The following PASD1 variants were observed in gnomAD, a reference collection of about 807,000 sequenced individuals.
The protein encoded by PASD1 is circadian clock protein PASD1.
PASD1 carries 13 observed loss-of-function variants against 58.8 expected under a neutral mutation model. The ratio of observed to expected loss-of-function variants is 0.22; its 90% CI spans 0.14 to 0.35. The LOEUF is 0.35. PASD1 is among the 10% of genes least tolerant of loss of function. The probability of loss-of-function intolerance (pLI) is 1.00; values close to 1 mark genes in which losing one functional copy is unlikely to be tolerated. For missense variants in PASD1, 734 were observed against 568.3 expected (o/e 1.29, Z -2.96); for synonymous variants, 236 against 216.7 (o/e 1.09, Z -0.78).
chrX:151,578,291 T>G (rs768395210), intron 1 of PASD1: 1 of 112,537 alleles, frequency 8.9e-6, no homozygotes, highest in African/African-American at 3.2e-5. Context: ...TTAACATCTT[T>G]TGGTATTCGT....
rs768653474 is a variant in PASD1 at position 151,674,043 on chromosome X, T to C, written c.2032T>C (p.Ser678Pro). The C allele has an allele frequency of 1.1e-5, 13 of 1,210,014 alleles. No individual in the cohort carries two copies. Among genetic ancestry groups the C allele is most frequent in the Admixed American group, 4.4e-5 (2 of 45,780 alleles). ...TCCTCAGTTTCCCATAACTTCAGAC[T>C]CAACCATAAGCACCCTGGAGACCCC... ...SIPQFPITSD[S>P]TISTLETPQD... The change falls in exon 15 of 16, where the codon TCA (serine) becomes CCA (proline). Residue 678 changes from serine to proline, a missense_variant. Transcript: ENST00000370357.
At chrX:151,666,394 T>C (rs1481665787) in intron 11 of PASD1, among the ~76,000 whole-genome samples, 4 of 110,370 alleles carry the variant, frequency 3.6e-5, no homozygotes, top group Non-Finnish European at 5.7e-5. Context: ...CCTTTTTTTT[T>C]TAATTATACT....
chrX:151,648,804 T>C (rs1196512532), intron 9 of PASD1, 102 bp downstream of exon 9: 1 of 948,375 alleles, frequency 1.1e-6, no homozygotes, highest in South Asian at 2.4e-5. Context: ...CATATGGATG[T>C]GACACATGAG....
chrX:151,669,064 T>C (rs2014427776), intron 11 of PASD1, among the ~76,000 whole-genome samples: 1 of 108,882 alleles, frequency 9.2e-6, no homozygotes, highest in Admixed American at 1.0e-4. Context: ...TATTACTGTT[T>C]TTTAAACTTT....
chrX:151,656,174 G>A (rs1048227028), intron 9 of PASD1, among the ~76,000 whole-genome samples: 1 of 111,301 alleles, frequency 9.0e-6, no homozygotes, highest in South Asian at 3.8e-4. Flanking sequence ...TAGATGTGTG[G>A]TATTATTTCT....
chrX:151,649,332 A>G (rs766667543), intron 9 of PASD1, among the ~76,000 whole-genome samples: 1 of 111,990 alleles, frequency 8.9e-6, no homozygotes, highest in African/African-American at 3.2e-5. Context: ...GATAGGCTGG[A>G]TCACCACAGT....
At chrX:151,565,450 G>A (rs114818881) in intron 1 of PASD1, among the ~76,000 whole-genome samples, 5,330 of 111,199 alleles carry the variant, frequency 0.048, 115 homozygotes, top group African/African-American at 0.085. Context: ...GGCGGGAACT[G>A]GACCTTTCTT....
intron 8 of PASD1, among the ~76,000 whole-genome samples, chrX:151,642,178 C>G (rs971038548): frequency 8.9e-6 from 1 of 111,734 alleles, no homozygotes. Context: ...AAGATCTTTC[C>G]CAAGTGAGAA....
In PASD1 at chrX:151,672,215, G is replaced by C; in HGVS notation, c.1470G>C (p.Lys490Asn). The C allele has an allele frequency of 8.8e-7, 1 of 1,136,155 alleles. No individual in the cohort carries two copies. The highest frequency in any genetic ancestry group is 1.2e-6 in the Non-Finnish European group (1 of 850,550). The allele number at this position is 1,136,155 out of a possible 1,213,427, so 93.6% of individuals were successfully genotyped here. The change falls in exon 14 of 16, where the codon AAG becomes AAC. Residue 490 changes from lysine to asparagine, a missense_variant. Lys to Asn is a moderately conservative substitution (Grantham distance 94). Transcript: ENST00000370357. ...TGGTGCAGCAAGAACAACACCTGAA[G>C]GAGCAGCAGCGGCAGCTGCGGGAGC... is the stretch of plus-strand genomic sequence containing the variant. The part of the protein sequence containing the change: ...QQLVQQEQHL[K>N]EQQRQLREQL...
intron 4 of PASD1, among the ~76,000 whole-genome samples, chrX:151,618,796 A>G (rs1439620713): frequency 1.8e-5 from 2 of 111,026 alleles, no homozygotes; most frequent in Middle Eastern, 4.2e-3. Context: ...ATTTGCTCTC[A>G]TTGTGTTTGG....
rs1168960767 is a variant in PASD1 at position 151,660,351 on chromosome X, T to G, written c.841+515T>G. Among the ~76,000 whole-genome samples, 5 of 112,618 alleles carry G rather than the reference T, an allele frequency of 4.4e-5. No homozygotes were observed. In the Admixed American group the frequency reaches 4.7e-4, roughly 11 times the overall value. ...TTATATCTCCTAATTAATCTTATCA[T>G]AAATAATTGGTATGTGGAATCTCCT... On this transcript the variant is annotated intron_variant, in intron 10 of 15. Coordinates refer to ENST00000370357, the MANE Select transcript of PASD1 (RefSeq NM_173493.3).
At chrX:151,599,426 C>T (rs376823313) in intron 1 of PASD1, among the ~76,000 whole-genome samples, 29 of 109,369 alleles carry the variant, frequency 2.7e-4, no homozygotes, top group Non-Finnish European at 4.0e-4. Flanking sequence ...ACCTCCCGGA[C>T]GGGGCGGCTG....
At chrX:151,586,664 G>T (rs2013170812) in intron 1 of PASD1, among the ~76,000 whole-genome samples, 1 of 111,851 alleles carries the variant, frequency 8.9e-6, no homozygotes, top group Non-Finnish European at 1.9e-5. Flanking sequence ...ACCTCTCCCA[G>T]CTGAACTCCC....
intron 4 of PASD1, among the ~76,000 whole-genome samples, chrX:151,612,013 C>T (rs1247441302): frequency 1.2e-5 from 1 of 84,149 alleles, no homozygotes; most frequent in African/African-American, 4.5e-5. Context: ...GTTCCCCTTC[C>T]TGTGTCCATG....
chrX:151,632,229 C>A (rs754216560), intron 8 of PASD1, among the ~76,000 whole-genome samples: 1 of 110,778 alleles, frequency 9.0e-6, no homozygotes, highest in Admixed American at 9.7e-5. Context: ...GTAATATTGG[C>A]AATTCCCTGT....
chrX:151,597,350 T>G (rs2013333947), intron 1 of PASD1, among the ~76,000 whole-genome samples: 1 of 112,246 alleles, frequency 8.9e-6, no homozygotes, highest in Admixed American at 9.4e-5. Flanking sequence ...TTTATTTATT[T>G]AGATTTGTAG....
At chrX:151,587,351 T>C (rs940607789) in intron 1 of PASD1, among the ~76,000 whole-genome samples, 1 of 109,512 alleles carries the variant, frequency 9.1e-6, no homozygotes, top group Non-Finnish European at 1.9e-5. Flanking sequence ...CCCTCATTCA[T>C]TTATTCATCC....
chrX:151,564,857 C>T (rs1442217106), intron 1 of PASD1, among the ~76,000 whole-genome samples: 1 of 111,522 alleles, frequency 9.0e-6, no homozygotes, highest in African/African-American at 3.3e-5. Context: ...AACAACAGAG[C>T]AAGACCCTGT....
In PASD1 at chrX:151,664,199, G is replaced by A. The variant is rs2014348153; in HGVS notation, c.922G>A (p.Val308Met). ...RADPVDLEFSVDQVDSVDQEG... is the reference protein window; with the variant it reads ...RADPVDLEFSMDQVDSVDQEG... Reference sequence around the variant, plus strand: ...AGACCCAGTGGACCTGGAGTTCTCGGTGGATCAGGTGGACTCAGTGGACCA... The same window carrying A: ...AGACCCAGTGGACCTGGAGTTCTCGATGGATCAGGTGGACTCAGTGGACCA... The change falls in exon 11 of 16, where the codon GTG (valine) becomes ATG (methionine). Residue 308 changes from valine (V) to methionine (M), a missense_variant. Coordinates refer to ENST00000370357, the MANE Select transcript of PASD1 (RefSeq NM_173493.3). 1 of 1,211,445 alleles carries A rather than the reference G, an allele frequency of 8.3e-7. No homozygotes were observed. Among genetic ancestry groups the A allele is most frequent in the Non-Finnish European group, 1.1e-6 (1 of 895,434 alleles).
Sources: allele counts gnomAD v4.1 joint callset (sites outside exome capture counted in the v4.1 genomes callset), GRCh38; gene constraint gnomAD v4.1.1; transcripts MANE v1.5; gene names NCBI Gene and HGNC (gene_info 2026-07-23, HGNC 2026-07-21).